The following RBFOX1 variants were observed in gnomAD, a reference collection of about 807,000 sequenced individuals.
The protein encoded by RBFOX1 is RNA binding protein fox-1 homolog 1.
RBFOX1 carries 8 observed loss-of-function variants against 57.7 expected under a neutral mutation model. The ratio of observed to expected loss-of-function variants is 0.14; its 90% confidence interval spans 0.08 to 0.25. The LOEUF (loss-of-function observed/expected upper bound fraction) is 0.25. RBFOX1 is among the 10% of genes least tolerant of loss of function. The pLI, the probability that RBFOX1 is intolerant of heterozygous loss-of-function variation, is 1.00. For missense variants in RBFOX1, 611 were observed against 548.5 expected, an observed-to-expected ratio of 1.11 and a Z score of -1.14; for synonymous variants, 326 against 222.4, an observed-to-expected ratio of 1.47 and a Z score of -4.15.
At chr16:6,925,981 T>C (rs1468239861) in intron 3 of RBFOX1, among the ~76,000 whole-genome samples, 1 of 152,132 alleles carries the variant, frequency 6.6e-6, no homozygotes, top group African/African-American at 2.4e-5. Flanking sequence ...CTGGAAACCA[T>C]GTCAACCGTC....
At chr16:5,956,846 T>C (rs1211165297) in intron 4 of RBFOX1, among the ~76,000 whole-genome samples, 2 of 150,806 alleles carry the variant, frequency 1.3e-5, no homozygotes, top group Non-Finnish European at 3.0e-5. Context: ...ATTTTTTTTT[T>C]TTTTTATAGA....
chr16:5,543,086 C>T (rs1415137067), intron 2 of RBFOX1, among the ~76,000 whole-genome samples: 1 of 152,102 alleles, frequency 6.6e-6, no homozygotes, highest in African/African-American at 2.4e-5. Flanking sequence ...TCCCAGCTGA[C>T]AAATCTTAAA....
At chr16:7,190,916 T>C (rs1400349174) in intron 4 of RBFOX1, among the ~76,000 whole-genome samples, 1 of 152,170 alleles carries the variant, frequency 6.6e-6, no homozygotes, top group African/African-American at 2.4e-5. Context: ...AAGCATATTT[T>C]ACAAAGACCT....
At chr16:7,215,854 A>G in intron 4 of RBFOX1, among the ~76,000 whole-genome samples, 1 of 150,992 alleles carries the variant, frequency 6.6e-6, no homozygotes, top group East Asian at 2.0e-4. Flanking sequence ...CCTCCCGATT[A>G]GCTGGGACTA....
intron 14 of RBFOX1, among the ~76,000 whole-genome samples, chr16:7,689,363 A>G (rs967731915): frequency 2.0e-5 from 3 of 152,118 alleles, no homozygotes; most frequent in African/African-American, 7.2e-5. Context: ...ATGGGAATGA[A>G]CTTGCAGATT....
chr16:5,595,571 G>T (rs13330062), intron 2 of RBFOX1, among the ~76,000 whole-genome samples: 16,951 of 152,164 alleles, frequency 0.11, 1,187 homozygotes, highest in East Asian at 0.32. Context: ...TTCTCTGTAC[G>T]CCTCAAGAAT....
intron 2 of RBFOX1, among the ~76,000 whole-genome samples, chr16:6,390,154 C>T (rs377546171): frequency 6.6e-6 from 1 of 152,194 alleles, no homozygotes; most frequent in African/African-American, 2.4e-5. Context: ...TTGCAGTTAT[C>T]CTTGGCACTG....
chr16:6,632,300 C>T (rs190309887), intron 2 of RBFOX1, among the ~76,000 whole-genome samples: 7 of 151,382 alleles, frequency 4.6e-5, no homozygotes, highest in African/African-American at 9.7e-5. Context: ...ATCTGTGAAA[C>T]CTTGCACCAG....
intron 4 of RBFOX1, among the ~76,000 whole-genome samples, chr16:7,265,981 T>G (rs1223091446): frequency 6.4e-5 from 9 of 140,814 alleles, no homozygotes; most frequent in African/African-American, 8.1e-5. Context: ...TTTTTTTTTT[T>G]TTTTTTTTTC....
At chr16:6,257,208 C>T (rs1313101861) in intron 1 of RBFOX1, among the ~76,000 whole-genome samples, 3 of 152,020 alleles carry the variant, frequency 2.0e-5, no homozygotes, top group Non-Finnish European at 2.9e-5. Context: ...CCTATGAACC[C>T]CTCACCTAGG....
At chr16:6,464,843 C>T (rs1205501403) in intron 2 of RBFOX1, among the ~76,000 whole-genome samples, 1 of 152,196 alleles carries the variant, frequency 6.6e-6, no homozygotes, top group East Asian at 1.9e-4. Flanking sequence ...TAACTGATAG[C>T]AGTGCGTTAA....
intron 3 of RBFOX1, among the ~76,000 whole-genome samples, chr16:5,844,498 A>G (rs928439932): frequency 3.3e-5 from 5 of 152,186 alleles, no homozygotes; most frequent in African/African-American, 9.6e-5. Context: ...TGATAAATTC[A>G]CGAAGCTCCT....
intron 1 of RBFOX1, among the ~76,000 whole-genome samples, chr16:6,161,787 G>A (rs756711635): frequency 2.0e-5 from 3 of 152,140 alleles, no homozygotes; most frequent in Non-Finnish European, 2.9e-5. Context: ...TGAAATTTCC[G>A]TGCTTTGTGT....
chr16:5,358,870 T>A (rs1266295080), intron 1 of RBFOX1, among the ~76,000 whole-genome samples: 1 of 152,208 alleles, frequency 6.6e-6, no homozygotes, highest in African/African-American at 2.4e-5. Context: ...TTGACTATAG[T>A]CACCTCATTG....
intron 1 of RBFOX1, among the ~76,000 whole-genome samples, chr16:5,409,593 G>C (rs942836101): frequency 1.3e-5 from 2 of 152,126 alleles, no homozygotes; most frequent in South Asian, 2.1e-4. Flanking sequence ...TATGTGCCAG[G>C]CATGTTCTAG....
At chr16:5,362,863 G>A (rs62017697) in intron 1 of RBFOX1, among the ~76,000 whole-genome samples, 6,752 of 152,082 alleles carry the variant, frequency 0.044, 207 homozygotes, top group South Asian at 0.092. Flanking sequence ...ATGTGGCAGG[G>A]TTTCCTTTTT....
chr16:5,267,194 T>C (rs1001531010), intron 1 of RBFOX1, among the ~76,000 whole-genome samples: 2 of 152,164 alleles, frequency 1.3e-5, no homozygotes, highest in Non-Finnish European at 2.9e-5. Flanking sequence ...GCTTTCCAAA[T>C]GGACTTTGCT....
chr16:7,460,405 GTGTGTGTGTGTGTA>G (rs1245978160), intron 4 of RBFOX1, among the ~76,000 whole-genome samples: 3 of 59,478 alleles, frequency 5.0e-5, no homozygotes, highest in African/African-American at 1.2e-4. Flanking sequence ...GTGTGTGTGT[GTGTGTGTGTGTGTA>G]TATACATATG....
At chr16:7,114,695 C>T (rs1417368952) in intron 4 of RBFOX1, among the ~76,000 whole-genome samples, 1 of 152,166 alleles carries the variant, frequency 6.6e-6, no homozygotes, top group African/African-American at 2.4e-5. Flanking sequence ...AATGAGAGTC[C>T]TTGTGCTGTT....
Sources: allele counts gnomAD v4.1 joint callset (sites outside exome capture counted in the v4.1 genomes callset), GRCh38; gene constraint gnomAD v4.1.1; transcripts MANE v1.5; gene names NCBI Gene and HGNC (gene_info 2026-07-23, HGNC 2026-07-21).